The following CCNY variants were observed in gnomAD, a reference collection of about 807,000 sequenced individuals.
The protein encoded by CCNY is cyclin-Y.
Under a neutral mutation model 42.8 loss-of-function variants are expected in CCNY, and 19 were observed. That is an observed-to-expected ratio of 0.44 (90% CI 0.31 to 0.65). The LOEUF is 0.65. CCNY is among the 30% of genes least tolerant of loss of function. The pLI, the probability that CCNY is intolerant of heterozygous loss-of-function variation, is 0.07. For missense variants in CCNY, 370 were observed against 437.3 expected (o/e 0.85, Z 1.37); for synonymous variants, 165 against 162.7 (o/e 1.01, Z -0.11).
intron 1 of CCNY, among the ~76,000 whole-genome samples, chr10:35,467,357 C>T (rs1297251858): frequency 6.6e-6 from 1 of 152,110 alleles, no homozygotes; most frequent in Non-Finnish European, 1.5e-5. Context: ...CCCTGTTGGC[C>T]TTGGGAGGTA....
At chr10:35,494,233 G>GTC (rs1589158229) in intron 2 of CCNY, among the ~76,000 whole-genome samples, 20 of 19,850 alleles carry the variant, frequency 1.0e-3, no homozygotes, top group Non-Finnish European at 3.4e-3. Flanking sequence ...AGCATAGTGA[G>GTC]ACCCCCCCCC....
At chr10:35,483,993 C>G (rs1441263856) in intron 2 of CCNY, among the ~76,000 whole-genome samples, 1 of 152,046 alleles carries the variant, frequency 6.6e-6, no homozygotes, top group African/African-American at 2.4e-5. Flanking sequence ...TCTTGTAGAT[C>G]GTACCATCTT....
At chr10:35,362,644 A>C (rs997525071) in intron 1 of CCNY, among the ~76,000 whole-genome samples, 2 of 152,200 alleles carry the variant, frequency 1.3e-5, no homozygotes, top group South Asian at 4.1e-4. Flanking sequence ...TCAAAAATGC[A>C]AACTTTGGAG....
intron 1 of CCNY, among the ~76,000 whole-genome samples, chr10:35,388,322 G>A (rs1358244998): frequency 6.6e-6 from 1 of 152,206 alleles, no homozygotes; most frequent in African/African-American, 2.4e-5. Context: ...AGGCCCAGAT[G>A]AACACTTATA....
intron 1 of CCNY, among the ~76,000 whole-genome samples, chr10:35,354,330 C>T (rs959608586): frequency 6.6e-6 from 1 of 151,902 alleles, no homozygotes. Flanking sequence ...GGATTACAGG[C>T]GCCCACCACC....
chr10:35,488,401 G>A (rs1839829603), intron 2 of CCNY, among the ~76,000 whole-genome samples: 1 of 152,084 alleles, frequency 6.6e-6, no homozygotes, highest in African/African-American at 2.4e-5. Context: ...CTGCCCTGTC[G>A]GGATTGCTTT....
intron 3 of CCNY, among the ~76,000 whole-genome samples, chr10:35,513,842 A>G (rs1840370991): frequency 6.6e-6 from 1 of 152,228 alleles, no homozygotes; most frequent in South Asian, 2.1e-4. Context: ...GCACATGTAC[A>G]AGCATACCAG....
chr10:35,412,576 C>T (rs569455035), intron 1 of CCNY, among the ~76,000 whole-genome samples: 31 of 151,540 alleles, frequency 2.0e-4, no homozygotes, highest in Non-Finnish European at 3.5e-4. Context: ...TGCAGCTGGG[C>T]GCTGTGGCTC....
At chr10:35,282,720 C>CAAAAAAAAAAAAAAAAAGAAAAA (rs1835312222) in intron 3 of CCNY, among the ~76,000 whole-genome samples, 1 of 88,268 alleles carries the variant, frequency 1.1e-5, no homozygotes, top group Non-Finnish European at 2.3e-5. Flanking sequence ...GAGACTGTCT[C>CAAAAAAAAAAAAAAAAAGAAAAA]AAAAAAAAAA....
At chr10:35,379,497 T>G (rs530652245) in intron 1 of CCNY, among the ~76,000 whole-genome samples, 20 of 152,218 alleles carry the variant, frequency 1.3e-4, no homozygotes, top group Non-Finnish European at 2.6e-4. Context: ...AGTAGCAATT[T>G]GATTCTAAAT....
At chr10:35,439,569 G>GTT (rs1355848867) in intron 1 of CCNY, among the ~76,000 whole-genome samples, 2 of 151,586 alleles carry the variant, frequency 1.3e-5, no homozygotes, top group Admixed American at 6.6e-5. Flanking sequence ...GTGTGTGTGT[G>GTT]TCCTTGTTCA....
chr10:35,525,168 TAAAA>T (rs1046665902), intron 4 of CCNY, among the ~76,000 whole-genome samples: 3 of 152,000 alleles, frequency 2.0e-5, no homozygotes, highest in Middle Eastern at 6.8e-3. Flanking sequence ...TTTTTAATGA[TAAAA>T]AAAAGTTAAC....
chr10:35,533,818 C>T (rs528668784), intron 7 of CCNY, among the ~76,000 whole-genome samples: 85 of 152,290 alleles, frequency 5.6e-4, no homozygotes, highest in African/African-American at 1.9e-3. Context: ...TACTACAATA[C>T]GACCAACATC....
chr10:35,326,889 AAAAC>A (rs368209382), intron 3 of CCNY, among the ~76,000 whole-genome samples: 237 of 152,000 alleles, frequency 1.6e-3, no homozygotes, highest in African/African-American at 3.5e-3. Context: ...ACTGTCTCTT[AAAAC>A]AAACAAACAA....
chr10:35,455,708 C>A (rs893554536), intron 1 of CCNY, among the ~76,000 whole-genome samples: 1 of 151,972 alleles, frequency 6.6e-6, no homozygotes, highest in African/African-American at 2.4e-5. Flanking sequence ...CACAGTGCCA[C>A]GCCCATGGCT....
chr10:35,419,646 T>C (rs1423221999), intron 1 of CCNY, among the ~76,000 whole-genome samples: 3 of 151,982 alleles, frequency 2.0e-5, no homozygotes, highest in Non-Finnish European at 4.4e-5. Flanking sequence ...CCATTAGATA[T>C]ACAGCTCATT....
At chr10:35,497,656 C>A (rs997456088) in intron 2 of CCNY, among the ~76,000 whole-genome samples, 1 of 144,678 alleles carries the variant, frequency 6.9e-6, no homozygotes, top group Middle Eastern at 4.1e-3. Context: ...AGGAGAATTG[C>A]TTGAACCTGG....
rs572728605 is a variant in CCNY at position 35,337,261 on chromosome 10, C to G, written c.154+54C>G. ...CGCCCCCGCGGCAACAGTCGCACAG[C>G]CAACGTCGGGGCGGCCCGGCTGCTC... On this transcript the variant is annotated intron_variant, in intron 1 of 9. Transcript: ENST00000374704. 9 of 1,418,968 alleles carry G rather than the reference C, an allele frequency of 6.3e-6. No homozygotes were observed. In the African/African-American group the frequency reaches 1.0e-4, roughly 16 times the overall value. The allele number at this position is 1,418,968 out of a possible 1,614,324, so 87.9% of individuals were successfully genotyped here. A position where few individuals can be genotyped will look rare whatever the true frequency, so the allele number is the denominator to read the frequency against.
chr10:35,534,893 T>G (rs1271952149), intron 7 of CCNY, among the ~76,000 whole-genome samples: 1 of 151,794 alleles, frequency 6.6e-6, no homozygotes, highest in Non-Finnish European at 1.5e-5. Flanking sequence ...TTCATCCATG[T>G]TGTAGCATGT....
Sources: allele counts gnomAD v4.1 joint callset (sites outside exome capture counted in the v4.1 genomes callset), GRCh38; gene constraint gnomAD v4.1.1; transcripts MANE v1.5; gene names NCBI Gene and HGNC (gene_info 2026-07-23, HGNC 2026-07-21).